The following LRRFIP1 variants were observed in gnomAD, a reference collection of about 807,000 sequenced individuals.
LRRFIP1 encodes the protein leucine-rich repeat flightless-interacting protein 1.
In LRRFIP1, 62 loss-of-function variants were observed where a neutral mutation model predicts 104.4. The observed-to-expected ratio is 0.59, with a 90% CI of 0.48 to 0.73. LRRFIP1 has a LOEUF of 0.73. Ranked by LOEUF, LRRFIP1 falls within the 30% of genes least tolerant of loss-of-function variation. LRRFIP1 has a pLI of 0.00. For synonymous variants in LRRFIP1, 300 were observed against 299.0 expected (o/e 1.00, Z -0.03); for missense variants, 796 against 824.5 (o/e 0.97, Z 0.42).
At chr2:237,767,937 G>C (rs918803277) in intron 19 of LRRFIP1, among the ~76,000 whole-genome samples, 2 of 152,234 alleles carry the variant, frequency 1.3e-5, no homozygotes, top group Non-Finnish European at 2.9e-5. Context: ...TGTACGTGGA[G>C]AAAACTTTGT....
chr2:237,776,094 G>A (rs907725500), intron 23 of LRRFIP1, among the ~76,000 whole-genome samples: 13 of 151,986 alleles, frequency 8.6e-5, no homozygotes, highest in Admixed American at 4.6e-4. Context: ...TCGAGTAGCC[G>A]GAAATACAGG....
At chr2:237,757,635 C>T (rs1158767021) in intron 17 of LRRFIP1, 87 bp downstream of exon 17, 12 of 957,098 alleles carry the variant, frequency 1.3e-5, no homozygotes, top group Admixed American at 1.2e-4. Flanking sequence ...TTTGCAAAAC[C>T]GCTTGTCTGA....
intron 1 of LRRFIP1, among the ~76,000 whole-genome samples, chr2:237,669,233 A>G (rs2089974612): frequency 6.6e-6 from 1 of 152,230 alleles, no homozygotes; most frequent in African/African-American, 2.4e-5. Flanking sequence ...GAATATTAGA[A>G]GTGCAATTTA....
At chr2:237,693,383 T>G (rs187607270) in intron 1 of LRRFIP1, among the ~76,000 whole-genome samples, 361 of 152,348 alleles carry the variant, frequency 2.4e-3, no homozygotes, top group Admixed American at 4.8e-3. Flanking sequence ...TGCCTTGACC[T>G]TGGGAGAGCT....
chr2:237,755,689 T>G (rs1453101568), intron 15 of LRRFIP1, among the ~76,000 whole-genome samples: 1 of 152,216 alleles, frequency 6.6e-6, no homozygotes, highest in Non-Finnish European at 1.5e-5. Context: ...ATCCCAACAC[T>G]TTGGGAGGCT....
intron 11 of LRRFIP1, 74 bp downstream of exon 11, chr2:237,739,383 C>A: frequency 4.7e-6 from 6 of 1,282,488 alleles, no homozygotes; most frequent in Non-Finnish European, 6.5e-6. Context: ...CCTCTTCCAA[C>A]GTCTCCAAAT....
chr2:237,713,100 G>A (rs1195964332), intron 2 of LRRFIP1, among the ~76,000 whole-genome samples: 1 of 152,028 alleles, frequency 6.6e-6, no homozygotes, highest in African/African-American at 2.4e-5. Context: ...AGAAGGGCAG[G>A]AAGCTGACCG....
intron 23 of LRRFIP1, 176 bp from the exon 24 acceptor site, chr2:237,779,246 A>C: frequency 1.6e-6 from 1 of 638,014 alleles, no homozygotes. Flanking sequence ...CAGGATCCCC[A>C]AGGGTGTTCC....
chr2:237,627,673 G>T lies in LRRFIP1; in HGVS notation c.29G>T (p.Arg10Leu). The change falls in exon 1 of 24, where the codon CGC becomes CTC. Residue 10 changes from arginine (R) to leucine (L), a missense_variant. Arg to Leu is a moderately radical substitution (Grantham distance 102, BLOSUM62 -2). Transcript: ENST00000308482. ...GACATGGGCACCCAGGGATCGGGGC[G>T]CAAGCGGCTCCCCAACCGGGAGCGG... The part of the protein sequence containing the change: MDMGTQGSG[R>L]KRLPNRERLT... 2 of 1,366,522 alleles carry T rather than the reference G, an allele frequency of 1.5e-6. No homozygotes were observed. Among genetic ancestry groups the T allele is most frequent in the Non-Finnish European group, 9.5e-7 (1 of 1,047,434 alleles). 84.6% of individuals were successfully genotyped at this position (1,366,522 alleles called of 1,614,324 possible).
rs1208141963 is a variant in LRRFIP1, at chr2:237,735,912, C to T, written c.555+579C>T. On this transcript the variant is annotated intron_variant, in intron 10 of 23. Transcript: ENST00000308482. This position sits in a 1 kb window ranked among gnomAD's most constrained non-coding sequence, Gnocchi z 4.6. ...CCGTGGAAGTGGGGAGACGAATTTG[C>T]GTGTCCCAGGGACCTGTGGAAACGG... Among the ~76,000 whole-genome samples, 3 of 152,184 alleles carry T rather than the reference C, an allele frequency of 2.0e-5. No homozygotes were observed. Among genetic ancestry groups the T allele is most frequent in the African/African-American group, 4.8e-5 (2 of 41,444 alleles).
chr2:237,716,462 T>C (rs1390809793), intron 3 of LRRFIP1, among the ~76,000 whole-genome samples: 3 of 152,236 alleles, frequency 2.0e-5, no homozygotes, highest in Non-Finnish European at 4.4e-5. Flanking sequence ...TCCTAATTTC[T>C]GCTCTTCCAA....
At chr2:237,699,534 T>C (rs1310147381) in intron 1 of LRRFIP1, among the ~76,000 whole-genome samples, 1 of 152,046 alleles carries the variant, frequency 6.6e-6, no homozygotes, top group Non-Finnish European at 1.5e-5. Context: ...GTATTTTTAG[T>C]AGAGATGGGA....
At chr2:237,775,035 G>A (rs2060960316) in intron 23 of LRRFIP1, among the ~76,000 whole-genome samples, 1 of 152,270 alleles carries the variant, frequency 6.6e-6, no homozygotes. Flanking sequence ...AGCACCCGTT[G>A]CATGCCGGGC....
At chr2:237,679,716 C>G (rs2091587361) in intron 1 of LRRFIP1, among the ~76,000 whole-genome samples, 1 of 152,166 alleles carries the variant, frequency 6.6e-6, no homozygotes, top group African/African-American at 2.4e-5. Flanking sequence ...TCAAGTGATT[C>G]TCCTGCCTCA....
intron 1 of LRRFIP1, among the ~76,000 whole-genome samples, chr2:237,669,651 G>A (rs2090024458): frequency 6.6e-6 from 1 of 152,122 alleles, no homozygotes; most frequent in African/African-American, 2.4e-5. Flanking sequence ...CTTGTATGAT[G>A]TTGAGGCCGT....
chr2:237,636,802 GT>G (rs1413657264), intron 1 of LRRFIP1, among the ~76,000 whole-genome samples: 1 of 152,218 alleles, frequency 6.6e-6, no homozygotes, highest in East Asian at 1.9e-4. Flanking sequence ...GTACCAGACA[GT>G]GGTTCCTCAG....
rs545326492 is a variant in LRRFIP1 at position 237,706,764 on chromosome 2, A to G, written c.97-1780A>G. Among the ~76,000 whole-genome samples the G allele has an allele frequency of 6.6e-5, 10 of 152,254 alleles. No homozygotes were observed. The East Asian group carries it at 1.7e-3, about 26-fold the overall frequency. On this transcript the variant is annotated intron_variant, in intron 1 of 23. Coordinates refer to ENST00000308482, the MANE Select transcript of LRRFIP1 (RefSeq NM_001137550.2). ...CACCTCAGCCTCCCAAGTAGCTGGGACCACAGGTGTGTGCTACCACACCTG... is the reference window on the plus strand; with the variant it reads ...CACCTCAGCCTCCCAAGTAGCTGGGGCCACAGGTGTGTGCTACCACACCTG...
chr2:237,652,874 AAT>A, intron 1 of LRRFIP1, among the ~76,000 whole-genome samples: 1 of 152,236 alleles, frequency 6.6e-6, no homozygotes, highest in East Asian at 1.9e-4. Context: ...TCCCCACCCA[AAT>A]CTCATGTTGA....
In LRRFIP1 at chr2:237,766,465, GAC is replaced by G. The variant is rs1243032702; in HGVS notation, c.1460-3476_1460-3475del. ...TTAAAGGGCTCTTGGAAAGCAGTGT[GAC>G]AACCAAGGTCACTAAATGGTGAGAT... is the stretch of plus-strand genomic sequence containing the variant. On this transcript the variant is annotated intron_variant, in intron 19 of 23. Coordinates refer to ENST00000308482, the MANE Select transcript of LRRFIP1 (RefSeq NM_001137550.2). The surrounding 1 kb of genome is among the most constrained non-coding windows in gnomAD (Gnocchi z 4.8). Among the ~76,000 whole-genome samples, 1 of 152,138 alleles carries G rather than the reference GAC, an allele frequency of 6.6e-6. No individual in the cohort carries two copies. Among genetic ancestry groups the G allele is most frequent in the Non-Finnish European group, 1.5e-5 (1 of 68,016 alleles).
Sources: gnomAD v4.1 joint callset for allele counts (sites outside exome capture counted in the v4.1 genomes callset) on GRCh38, gnomAD v4.1.1 for gene constraint, Gnocchi (gnomAD v3.1) non-coding constraint, MANE v1.5 for transcripts, NCBI Gene and HGNC (gene_info 2026-07-23, HGNC 2026-07-21) for gene names.